PRKCZ: variants seen among roughly 807,000 people sequenced by gnomAD.
PRKCZ encodes the protein protein kinase C zeta.
A neutral mutation model predicts 79.5 loss-of-function variants in PRKCZ; 33 were observed. The ratio of observed to expected loss-of-function variants is 0.41; its 90% CI spans 0.31 to 0.55. The LOEUF is 0.55. Ranked by LOEUF, PRKCZ falls within the 20% of genes least tolerant of loss-of-function variation. The probability of loss-of-function intolerance (pLI) is 0.19; values close to 1 mark genes in which losing one functional copy is unlikely to be tolerated. For synonymous variants in PRKCZ, 342 were observed against 320.9 expected, an observed-to-expected ratio of 1.07 and a Z score of -0.70; for missense variants, 578 against 813.5, an observed-to-expected ratio of 0.71 and a Z score of 3.52.
At position 2,174,783 on chromosome 1, in the gene PRKCZ, C is replaced by T; in HGVS notation, c.1435C>T (p.Arg479Trp). 6.2e-7 allele frequency: 1 copy of T among 1,614,130 alleles called. No homozygotes were observed. The highest frequency in any genetic ancestry group is 8.5e-7 in the Non-Finnish European group (1 of 1,180,002). Residue 479 changes from arginine to tryptophan, a missense_variant, in exon 15 of 18, where the codon CGG becomes TGG. Arg to Trp is a moderately radical substitution (Grantham distance 101, BLOSUM62 -3). Around this residue, in one of 4 missense-constraint regions of PRKCZ, gnomAD observed 243 missense variants for 467.0 expected, o/e 0.52. Coordinates refer to ENST00000378567, the MANE Select transcript of PRKCZ (RefSeq NM_002744.6). The surrounding 1 kb of genome is among the most constrained non-coding windows in gnomAD (Gnocchi z 6.2). ...VILEKPIRIP[R>W]FLSVKASHVL... ...CCTGGAGAAGCCCATCCGGATCCCC[C>T]GGTTCCTGTCCGTCAAAGCCTCCCA... is the stretch of plus-strand genomic sequence containing the variant.
intron 16 of PRKCZ, chr1:2,184,325 G>T (rs561381348): frequency 2.6e-4 from 106 of 406,632 alleles, no homozygotes; most frequent in Non-Finnish European, 4.0e-4. Flanking sequence ...CGCATGGGTG[G>T]CTGGGGATCC....
chr1:2,142,603 G>A (rs1257856192), intron 5 of PRKCZ: 1 of 241,380 alleles, frequency 4.1e-6, no homozygotes, highest in African/African-American at 2.4e-5. Context: ...TTCGAATAGA[G>A]CCCACGGTCC....
At chr1:2,087,604 C>T (rs1028531098) in intron 4 of PRKCZ, among the ~76,000 whole-genome samples, 8 of 152,150 alleles carry the variant, frequency 5.3e-5, no homozygotes, top group East Asian at 1.9e-4. Context: ...GGGTTGTATC[C>T]CATCACCTGG....
intron 4 of PRKCZ, among the ~76,000 whole-genome samples, chr1:2,105,733 G>A (rs567654510): frequency 1.3e-5 from 2 of 152,318 alleles, no homozygotes; most frequent in East Asian, 3.9e-4. Flanking sequence ...TAAGCAAAAT[G>A]AATTTGGGGT....
At chr1:2,159,375 C>T (rs1447054560) in intron 10 of PRKCZ, among the ~76,000 whole-genome samples, 1 of 152,246 alleles carries the variant, frequency 6.6e-6, no homozygotes, top group Non-Finnish European at 1.5e-5. Context: ...CCTCTTTGTG[C>T]GTTGGTTCTG....
intron 4 of PRKCZ, among the ~76,000 whole-genome samples, chr1:2,112,584 C>G (rs150906137): frequency 6.6e-6 from 1 of 152,138 alleles, no homozygotes. Flanking sequence ...TCCTCCTTCT[C>G]TGGATGCCTG....
At chr1:2,080,130 C>T (rs542903053) in intron 4 of PRKCZ, among the ~76,000 whole-genome samples, 1 of 152,350 alleles carries the variant, frequency 6.6e-6, no homozygotes, top group South Asian at 2.1e-4. Context: ...GGTCCCAGGG[C>T]ATCCACTACC....
chr1:2,152,241 G>A (rs1680040139), intron 9 of PRKCZ, among the ~76,000 whole-genome samples: 1 of 152,120 alleles, frequency 6.6e-6, no homozygotes, highest in African/African-American at 2.4e-5. Flanking sequence ...ATTTTAAAGT[G>A]TACAGTTAGG....
At chr1:2,147,952 T>G (rs71630965) in intron 7 of PRKCZ, among the ~76,000 whole-genome samples, 1 of 150,190 alleles carries the variant, frequency 6.7e-6, no homozygotes, top group Non-Finnish European at 1.5e-5. Context: ...CTATCTATTG[T>G]CCACTGACCT....
At chr1:2,097,268 C>T (rs1463575877) in intron 4 of PRKCZ, among the ~76,000 whole-genome samples, 1 of 152,198 alleles carries the variant, frequency 6.6e-6, no homozygotes. Context: ...CACATGGCCA[C>T]CTGGGAAGGC....
intron 4 of PRKCZ, among the ~76,000 whole-genome samples, chr1:2,087,648 C>G (rs955792895): frequency 6.6e-6 from 1 of 151,920 alleles, no homozygotes; most frequent in Non-Finnish European, 1.5e-5. Context: ...GCAGGATACC[C>G]GAGTAATATG....
chr1:2,063,510 A>C (rs1191735492), intron 4 of PRKCZ, among the ~76,000 whole-genome samples: 1 of 151,992 alleles, frequency 6.6e-6, no homozygotes. Flanking sequence ...ACAGGGTTTC[A>C]TCATGTTGCC....
At position 2,165,503 on chromosome 1, in the gene PRKCZ, A is replaced by G. The variant is rs1037093221; in HGVS notation, c.975-4015A>G. ...GATGGGGTCAAGTGCGTTAACACAG[A>G]GGGACTTGGAGACTGACGCTTACTG... On this transcript the variant is annotated intron_variant, in intron 10 of 17. Coordinates refer to ENST00000378567, the MANE Select transcript of PRKCZ (RefSeq NM_002744.6). The surrounding 1 kb of genome is among the most constrained non-coding windows in gnomAD (Gnocchi z 4.1). Among the ~76,000 whole-genome samples, 1 of 152,202 alleles carries G rather than the reference A, an allele frequency of 6.6e-6. No homozygotes were observed. Among genetic ancestry groups the G allele is most frequent in the African/African-American group, 2.4e-5 (1 of 41,440 alleles).
chr1:2,134,489 G>A (rs1675750039), intron 4 of PRKCZ, among the ~76,000 whole-genome samples: 1 of 152,154 alleles, frequency 6.6e-6, no homozygotes, highest in Non-Finnish European at 1.5e-5. Context: ...GAGCAAAGTG[G>A]GACACGGTGT....
chr1:2,070,150 C>T (rs76717375), intron 4 of PRKCZ, among the ~76,000 whole-genome samples: 107 of 152,048 alleles, frequency 7.0e-4, no homozygotes, highest in Non-Finnish European at 1.2e-3. Flanking sequence ...AGAGCCAGTG[C>T]TGGCTGCCCT....
intron 4 of PRKCZ, among the ~76,000 whole-genome samples, chr1:2,131,141 T>C (rs1160767182): frequency 6.6e-6 from 1 of 152,146 alleles, no homozygotes; most frequent in Non-Finnish European, 1.5e-5. Flanking sequence ...CTCATTTTCC[T>C]TTGGTATTTG....
chr1:2,114,492 A>T (rs779108522), intron 4 of PRKCZ, among the ~76,000 whole-genome samples: 1 of 152,204 alleles, frequency 6.6e-6, no homozygotes, highest in Non-Finnish European at 1.5e-5. Context: ...AAAAGATAAG[A>T]TGACTGGGCG....
At position 2,181,152 on chromosome 1, in the gene PRKCZ, G is replaced by A. The variant is rs541346178; in HGVS notation, c.1576-3431G>A. Among the ~76,000 whole-genome samples, 707 of 149,396 alleles carry A rather than the reference G, an allele frequency of 4.7e-3. 10 individuals are homozygous for A. The highest frequency in any genetic ancestry group is 0.017 in the African/African-American group (670 of 40,348). On this transcript the variant is annotated intron_variant, in intron 16 of 17. Coordinates refer to ENST00000378567, the MANE Select transcript of PRKCZ (RefSeq NM_002744.6). Reference sequence around the variant, plus strand: ...GCCTGGCCCTACGGACAGCAGGGTCGTCCTGTGTCCAAAAGCCTCCTCCCC... The same window carrying A: ...GCCTGGCCCTACGGACAGCAGGGTCATCCTGTGTCCAAAAGCCTCCTCCCC...
At chr1:2,051,717 A>G (rs1338221547) in intron 1 of PRKCZ, among the ~76,000 whole-genome samples, 2 of 152,118 alleles carry the variant, frequency 1.3e-5, no homozygotes, top group East Asian at 3.9e-4. Context: ...CTCTCAGGAC[A>G]GTGCCCCGGG....
Sources: gnomAD v4.1 joint callset for allele counts (sites outside exome capture counted in the v4.1 genomes callset) on GRCh38, gnomAD v4.1.1 for gene constraint, gnomAD v4.1.1 regional missense constraint, Gnocchi (gnomAD v3.1) non-coding constraint, MANE v1.5 for transcripts, NCBI Gene and HGNC (gene_info 2026-07-23, HGNC 2026-07-21) for gene names.